Variants in TAFA2 observed in about 807,000 individuals in gnomAD.
TAFA2 encodes TAFA chemokine like family member 2, also known as chemokine-like protein TAFA-2.
Under a neutral mutation model 18.8 loss-of-function variants are expected in TAFA2, and 7 were observed. That is an observed-to-expected ratio of 0.37 (90% CI 0.21 to 0.70). TAFA2 has a LOEUF of 0.70. TAFA2 is among the 30% of genes least tolerant of loss of function. TAFA2 has a pLI of 0.53. For missense variants in TAFA2, 122 were observed against 158.1 expected, an observed-to-expected ratio of 0.77 and a Z score of 1.23; for synonymous variants, 60 against 54.2, an observed-to-expected ratio of 1.11 and a Z score of -0.47.
intron 1 of TAFA2, among the ~76,000 whole-genome samples, chr12:62,010,891 G>A (rs1383757826): frequency 4.3e-5 from 5 of 117,380 alleles, no homozygotes; most frequent in East Asian, 3.0e-4. Context: ...CGTCTGGGAG[G>A]TGGGGAGCGC....
chr12:62,116,121 A>T (rs182523526), intron 1 of TAFA2, among the ~76,000 whole-genome samples: 4 of 152,186 alleles, frequency 2.6e-5, no homozygotes, highest in Non-Finnish European at 5.9e-5. Context: ...TGTGCTTGGA[A>T]CTCTTTGACT....
At chr12:61,761,595 TG>T (rs1869549218) in intron 2 of TAFA2, among the ~76,000 whole-genome samples, 1 of 152,084 alleles carries the variant, frequency 6.6e-6, no homozygotes, top group African/African-American at 2.4e-5. Flanking sequence ...ATTTATTGTG[TG>T]ATGAGCATTA....
At chr12:62,052,104 T>C (rs1353960116) in intron 1 of TAFA2, among the ~76,000 whole-genome samples, 1 of 152,204 alleles carries the variant, frequency 6.6e-6, no homozygotes, top group Non-Finnish European at 1.5e-5. Context: ...TTGAGATGAC[T>C]CAAACATTTT....
intron 2 of TAFA2, among the ~76,000 whole-genome samples, chr12:61,772,243 C>T (rs1202171668): frequency 6.6e-6 from 1 of 151,596 alleles, no homozygotes; most frequent in Non-Finnish European, 1.5e-5. Flanking sequence ...TAAAAAATTG[C>T]CAAGAAAAAA....
intron 1 of TAFA2, among the ~76,000 whole-genome samples, chr12:62,164,929 C>T (rs1250028483): frequency 6.6e-6 from 1 of 152,034 alleles, no homozygotes; most frequent in Non-Finnish European, 1.5e-5. Flanking sequence ...TTCAACAGTC[C>T]AATTTACAGA....
At chr12:62,076,206 G>A (rs1448939835) in intron 1 of TAFA2, among the ~76,000 whole-genome samples, 1 of 152,120 alleles carries the variant, frequency 6.6e-6, no homozygotes, top group Non-Finnish European at 1.5e-5. Flanking sequence ...TTATATTTGA[G>A]CATGTCTGGT....
chr12:62,234,247 G>T (rs753365874), intron 1 of TAFA2: 8 of 346,246 alleles, frequency 2.3e-5, no homozygotes, highest in Non-Finnish European at 3.4e-5. Flanking sequence ...CCTCGCCATG[G>T]GTCCCCACAG....
chr12:61,751,015 C>CA (rs1212427523), intron 4 of TAFA2, among the ~76,000 whole-genome samples: 2 of 151,916 alleles, frequency 1.3e-5, no homozygotes, highest in Non-Finnish European at 2.9e-5. Context: ...ACAGTAATAC[C>CA]AATGATTAAA....
chr12:61,740,170 C>G (rs1000188012), intron 4 of TAFA2, among the ~76,000 whole-genome samples: 1 of 152,032 alleles, frequency 6.6e-6, no homozygotes, highest in Non-Finnish European at 1.5e-5. Flanking sequence ...AAGAAGAGAA[C>G]AGAAAATGCA....
chr12:62,097,625 A>G (rs1222067444), intron 1 of TAFA2, among the ~76,000 whole-genome samples: 2 of 152,154 alleles, frequency 1.3e-5, no homozygotes, highest in Admixed American at 6.6e-5. Context: ...TGTCTGTCCT[A>G]TAGGACAGAA....
intron 4 of TAFA2, among the ~76,000 whole-genome samples, chr12:61,737,431 T>C (rs1215363691): frequency 6.6e-6 from 1 of 151,914 alleles, no homozygotes; most frequent in African/African-American, 2.4e-5. Context: ...CTAATAGTAA[T>C]AGTGATGAGA....
At chr12:62,153,219 T>C (rs1186767237) in intron 1 of TAFA2, among the ~76,000 whole-genome samples, 1 of 152,212 alleles carries the variant, frequency 6.6e-6, no homozygotes, top group African/African-American at 2.4e-5. Context: ...ATGCAGGTGT[T>C]TGTCACACTT....
intron 2 of TAFA2, among the ~76,000 whole-genome samples, chr12:61,778,111 A>T (rs530244311): frequency 6.6e-6 from 1 of 151,948 alleles, no homozygotes; most frequent in Non-Finnish European, 1.5e-5. Flanking sequence ...AAAAGGGAAT[A>T]GCAGTATCTA....
At chr12:61,992,968 G>T (rs541513345) in intron 1 of TAFA2, among the ~76,000 whole-genome samples, 1 of 152,242 alleles carries the variant, frequency 6.6e-6, no homozygotes, top group East Asian at 1.9e-4. Context: ...AAACCTTCAT[G>T]AAAACTCTGA....
At chr12:61,750,800 T>C (rs1016679044) in intron 4 of TAFA2, among the ~76,000 whole-genome samples, 1 of 152,146 alleles carries the variant, frequency 6.6e-6, no homozygotes, top group Non-Finnish European at 1.5e-5. Context: ...GCCATTTTGC[T>C]TGCAGTGATA....
intron 1 of TAFA2, among the ~76,000 whole-genome samples, chr12:62,157,500 T>C (rs116640156): frequency 0.011 from 1,721 of 152,228 alleles, 31 homozygotes; most frequent in African/African-American, 0.034. Flanking sequence ...GAAAACACCT[T>C]ATCTTCACCT....
intron 2 of TAFA2, among the ~76,000 whole-genome samples, chr12:61,758,157 A>C (rs973545201): frequency 6.6e-6 from 1 of 152,100 alleles, no homozygotes; most frequent in South Asian, 2.1e-4. Flanking sequence ...CATGAAAAAA[A>C]TAAAAGCATT....
At chr12:62,157,572 T>A (rs1189162245) in intron 1 of TAFA2, among the ~76,000 whole-genome samples, 1 of 151,926 alleles carries the variant, frequency 6.6e-6, no homozygotes, top group Non-Finnish European at 1.5e-5. Context: ...GCTCCACCTC[T>A]ATCTACCTCA....
chr12:61,863,205 C>G (rs1199868787), intron 2 of TAFA2, among the ~76,000 whole-genome samples: 1 of 152,146 alleles, frequency 6.6e-6, no homozygotes, highest in Non-Finnish European at 1.5e-5. Flanking sequence ...GCTCCTTACA[C>G]TGATAGACCA....
Sources: gnomAD v4.1 joint callset for allele counts (sites outside exome capture counted in the v4.1 genomes callset) on GRCh38, gnomAD v4.1.1 for gene constraint, MANE v1.5 for transcripts, NCBI Gene and HGNC (gene_info 2026-07-23, HGNC 2026-07-21) for gene names.